Variants in NFIC observed in about 807,000 individuals in gnomAD.
The protein encoded by NFIC is nuclear factor 1 C-type.
A neutral mutation model predicts 54.4 loss-of-function variants in NFIC; 12 were observed. The observed-to-expected ratio is 0.22, with a 90% confidence interval of 0.14 to 0.36. The LOEUF (loss-of-function observed/expected upper bound fraction) is 0.36, where lower values mean the gene tolerates loss of function less well. Among genes scored for constraint, NFIC ranks in the 10% least tolerant of loss-of-function variants. The pLI, the probability that NFIC is intolerant of heterozygous loss-of-function variation, is 1.00. For missense variants in NFIC, 575 were observed against 718.2 expected, an observed-to-expected ratio of 0.80 and a Z score of 2.28; for synonymous variants, 322 against 319.2, an observed-to-expected ratio of 1.01 and a Z score of -0.09.
At chr19:3,420,823 A>G (rs1000418223) in intron 2 of NFIC, among the ~76,000 whole-genome samples, 2 of 152,014 alleles carry the variant, frequency 1.3e-5, no homozygotes, top group Admixed American at 6.6e-5. Flanking sequence ...CCCGAGTTCA[A>G]GAGATTCTCC....
In NFIC at chr19:3,385,698, G is replaced by A. The variant is rs552190465; in HGVS notation, c.562+3455G>A. Among the ~76,000 whole-genome samples, 9 of 150,342 alleles carry A rather than the reference G, an allele frequency of 6.0e-5. No homozygotes were observed. In the East Asian group the frequency reaches 8.0e-4, roughly 13 times the overall value. On this transcript the variant is annotated intron_variant, in intron 2 of 10. Transcript: ENST00000443272. ...AGCAATTCTCCTGCCTCAGTCTCCC[G>A]AGTAGCTGGGACTACACATGCCCAC...
intron 6 of NFIC, among the ~76,000 whole-genome samples, chr19:3,441,916 C>G (rs189712498): frequency 6.6e-6 from 1 of 152,190 alleles, no homozygotes. Context: ...TTTCCAGCTT[C>G]CTGTCTAGAC....
In NFIC at chr19:3,417,032, C is replaced by T. The variant is rs376085748; in HGVS notation, c.563-8074C>T. Among the ~76,000 whole-genome samples, 780 of 147,842 alleles carry T rather than the reference C, an allele frequency of 5.3e-3. 3 individuals carry two copies. The highest frequency in any genetic ancestry group is 7.7e-3 in the Admixed American group (114 of 14,752). ...CGGAGCAGCTGGGACTACAGGCGCC[C>T]GCCACCAGGCCCAGCTAATTTTTTT... On this transcript the variant is annotated intron_variant, in intron 2 of 10. Coordinates refer to ENST00000443272, the MANE Select transcript of NFIC (RefSeq NM_001245002.2).
chr19:3,399,039 T>G (rs2081511623), intron 2 of NFIC, among the ~76,000 whole-genome samples: 1 of 152,236 alleles, frequency 6.6e-6, no homozygotes, highest in African/African-American at 2.4e-5. Flanking sequence ...GGGCAGAGGC[T>G]TGGGCTGTGA....
rs1279978261 is a variant in NFIC at position 3,458,367 on chromosome 19, TAAA to T, written c.1509+1734_1509+1736del. Among the ~76,000 whole-genome samples, 1 of 152,056 alleles carries T rather than the reference TAAA, an allele frequency of 6.6e-6. No individual in the cohort carries two copies. Among genetic ancestry groups the T allele is most frequent in the Non-Finnish European group, 1.5e-5 (1 of 67,998 alleles). The stretch of plus-strand genomic sequence containing the variant: ...TAAGTGGTTCAGAAACCAAAGCTAA[TAAA>T]AGCTGCGGTGGGAGGAGGCCCAGCC... On this transcript the variant is annotated intron_variant, in intron 10 of 10. Coordinates refer to ENST00000443272, the MANE Select transcript of NFIC (RefSeq NM_001245002.2). This position sits in a 1 kb window ranked among gnomAD's most constrained non-coding sequence, Gnocchi z 4.1.
intron 2 of NFIC, among the ~76,000 whole-genome samples, chr19:3,403,738 G>A (rs533407597): frequency 6.6e-6 from 1 of 152,310 alleles, no homozygotes; most frequent in Admixed American, 6.5e-5. Context: ...CCGTCCTCCG[G>A]ACTCCCCGCG....
chr19:3,442,203 G>T (rs1017309221), intron 6 of NFIC, among the ~76,000 whole-genome samples: 2 of 152,300 alleles, frequency 1.3e-5, no homozygotes. Context: ...CTGCTTACGC[G>T]GCTGCGTGGG....
At chr19:3,426,968 C>T (rs910473858) in intron 3 of NFIC, among the ~76,000 whole-genome samples, 4 of 150,718 alleles carry the variant, frequency 2.7e-5, no homozygotes, top group Non-Finnish European at 5.9e-5. Flanking sequence ...GCTCTGTCGC[C>T]CAGGCTAGAG....
intron 10 of NFIC, among the ~76,000 whole-genome samples, chr19:3,461,822 G>A (rs547191562): frequency 5.1e-4 from 78 of 152,022 alleles, no homozygotes; most frequent in African/African-American, 1.8e-3. Flanking sequence ...TTGGGAGGCC[G>A]AGGCGGGCGG....
upstream of NFIC, among the ~76,000 whole-genome samples, chr19:3,362,523 G>A (rs2080824008): frequency 6.6e-6 from 1 of 151,934 alleles, no homozygotes; most frequent in South Asian, 2.1e-4. Context: ...GTCTGTGCGT[G>A]TATTTGTGTC....
At chr19:3,462,083 A>G (rs1237857376) in intron 10 of NFIC, among the ~76,000 whole-genome samples, 1 of 149,606 alleles carries the variant, frequency 6.7e-6, no homozygotes, top group Non-Finnish European at 1.5e-5. Flanking sequence ...AATATAATAA[A>G]GTAAGATTGA....
chr19:3,379,125 C>T (rs10421820), intron 1 of NFIC, among the ~76,000 whole-genome samples: 129,170 of 152,120 alleles, frequency 0.85, 54,995 homozygotes, highest in East Asian at 0.99. Flanking sequence ...AGTGGAGTGA[C>T]CTTGGCTCAC....
At chr19:3,393,156 A>G (rs1005739770) in intron 2 of NFIC, among the ~76,000 whole-genome samples, 2 of 151,550 alleles carry the variant, frequency 1.3e-5, no homozygotes, top group Admixed American at 6.6e-5. Flanking sequence ...GGCCAGGCTG[A>G]CCTCGTGATC....
At chr19:3,438,659 G>A (rs1018081614) in intron 6 of NFIC, among the ~76,000 whole-genome samples, 2 of 151,778 alleles carry the variant, frequency 1.3e-5, no homozygotes, top group Admixed American at 6.6e-5. Context: ...GGATGGTCTC[G>A]ATCTCCTGAC....
chr19:3,418,052 G>A (rs1447507725), intron 2 of NFIC, among the ~76,000 whole-genome samples: 1 of 151,062 alleles, frequency 6.6e-6, no homozygotes, highest in East Asian at 1.9e-4. Context: ...TTTGGTGCTT[G>A]AAATGTGATT....
rs144411859 is a variant in NFIC, at chr19:3,419,779, A to T, written c.563-5327A>T. Reference sequence around the variant, plus strand: ...GCACCATTGCACTCCAGCCTGGGCGACACAGCGATACTCTGTTCCAAAAAA... The same window carrying T: ...GCACCATTGCACTCCAGCCTGGGCGTCACAGCGATACTCTGTTCCAAAAAA... On this transcript the variant is annotated intron_variant, in intron 2 of 10. Transcript: ENST00000443272. Among the ~76,000 whole-genome samples, 631 of 149,116 alleles carry T rather than the reference A, an allele frequency of 4.2e-3. 7 individuals are homozygous for T. The highest frequency in any genetic ancestry group is 0.015 in the African/African-American group (605 of 40,652).
In NFIC at chr19:3,384,054, T is replaced by G. The variant is rs558927149; in HGVS notation, c.562+1811T>G. Among the ~76,000 whole-genome samples the G allele has an allele frequency of 4.7e-5, 7 of 150,268 alleles. No homozygotes were observed. In the East Asian group the frequency reaches 1.2e-3, roughly 25 times the overall value. Reference sequence around the variant, plus strand: ...GCAGGGCAGAGTTACCCAGTGTTTTTTTTTTTTTTTTTTTCCTGGAGACAG... The same window carrying G: ...GCAGGGCAGAGTTACCCAGTGTTTTGTTTTTTTTTTTTTTCCTGGAGACAG... On this transcript the variant is annotated intron_variant, in intron 2 of 10. Coordinates refer to ENST00000443272, the MANE Select transcript of NFIC (RefSeq NM_001245002.2).
At position 3,433,595 on chromosome 19, in the gene NFIC, G is replaced by A; in HGVS notation, c.709+3G>A. 6.2e-7 allele frequency: 1 copy of A among 1,613,660 alleles called. No homozygotes were observed. Among genetic ancestry groups the A allele is most frequent in the Non-Finnish European group, 8.5e-7 (1 of 1,179,676 alleles). Reference sequence around the variant, plus strand: ...TGAGCTCATCCAAGTGTCCCGGAGTGAGTGTTCCCGTCAGCCCTGAGCTGG... The same window carrying A: ...TGAGCTCATCCAAGTGTCCCGGAGTAAGTGTTCCCGTCAGCCCTGAGCTGG... On this transcript the variant is annotated splice_donor_region_variant and intron_variant, in intron 4 of 10. Coordinates refer to ENST00000443272, the MANE Select transcript of NFIC (RefSeq NM_001245002.2).
intron 5 of NFIC, 161 bp from the exon 6 acceptor site, chr19:3,434,922 T>C (rs2082174502): frequency 1.0e-6 from 1 of 956,882 alleles, no homozygotes; most frequent in Admixed American, 3.0e-5. Context: ...GAACAGGCGT[T>C]CGTAGGGAAC....
Sources: allele counts gnomAD v4.1 joint callset (sites outside exome capture counted in the v4.1 genomes callset), GRCh38; gene constraint gnomAD v4.1.1; non-coding constraint Gnocchi (gnomAD v3.1); transcripts MANE v1.5; gene names NCBI Gene and HGNC (gene_info 2026-07-23, HGNC 2026-07-21).